AMPH: variants seen among roughly 807,000 people sequenced by gnomAD.
The protein encoded by AMPH is amphiphysin.
AMPH carries 49 observed loss-of-function variants against 99.1 expected under a neutral mutation model. That is an observed-to-expected ratio of 0.49 (90% CI 0.39 to 0.63). The LOEUF is 0.63. Ranked by LOEUF, AMPH falls within the 20% of genes least tolerant of loss-of-function variation. The pLI, the probability that AMPH is intolerant of heterozygous loss-of-function variation, is 0.00. For synonymous variants in AMPH, 314 were observed against 317.3 expected (o/e 0.99, Z 0.11); for missense variants, 759 against 863.4 (o/e 0.88, Z 1.52).
intron 16 of AMPH, 46 bp downstream of exon 16, chr7:38,422,375 G>A (rs1584068089): frequency 6.7e-7 from 1 of 1,501,998 alleles, no homozygotes; most frequent in Non-Finnish European, 9.3e-7. Context: ...AGAACATTCA[G>A]TGATAACTAA....
intron 1 of AMPH, among the ~76,000 whole-genome samples, chr7:38,616,712 G>T (rs190716404): frequency 3.9e-5 from 6 of 152,190 alleles, no homozygotes; most frequent in Non-Finnish European, 8.8e-5. Flanking sequence ...CTCAATACAT[G>T]ATGAGGAGCA....
intron 11 of AMPH, among the ~76,000 whole-genome samples, chr7:38,442,840 A>G (rs1786606514): frequency 6.6e-6 from 1 of 152,112 alleles, no homozygotes; most frequent in Non-Finnish European, 1.5e-5. Flanking sequence ...ACTGGAAATT[A>G]TACAGATTAG....
chr7:38,483,345 A>G (rs1363793876), intron 5 of AMPH, among the ~76,000 whole-genome samples: 1 of 152,112 alleles, frequency 6.6e-6, no homozygotes, highest in East Asian at 1.9e-4. Flanking sequence ...ACACACTTCT[A>G]AGTAGTATGG....
chr7:38,397,511 T>TA (rs971767336), intron 17 of AMPH, among the ~76,000 whole-genome samples: 4 of 152,150 alleles, frequency 2.6e-5, no homozygotes, highest in African/African-American at 4.8e-5. Context: ...AAAAATTAAA[T>TA]AAAAATGGAT....
At chr7:38,474,272 G>A (rs548600766) in intron 7 of AMPH, among the ~76,000 whole-genome samples, 41 of 150,992 alleles carry the variant, frequency 2.7e-4, no homozygotes, top group South Asian at 6.2e-4. Flanking sequence ...AAAATAAAAT[G>A]AAATAAATAA....
intron 17 of AMPH, among the ~76,000 whole-genome samples, chr7:38,406,716 C>A (rs1784996566): frequency 8.6e-6 from 1 of 116,242 alleles, no homozygotes. Flanking sequence ...CTCCTCTCCT[C>A]TCTCTCTCCC....
chr7:38,619,593 A>G (rs1271595661), intron 1 of AMPH, among the ~76,000 whole-genome samples: 1 of 152,370 alleles, frequency 6.6e-6, no homozygotes, highest in Non-Finnish European at 1.5e-5. Flanking sequence ...TCAAGCGTAC[A>G]TGGAAGATTC....
intron 1 of AMPH, among the ~76,000 whole-genome samples, chr7:38,613,191 C>G (rs537142446): frequency 1.1e-4 from 16 of 152,334 alleles, no homozygotes; most frequent in African/African-American, 3.4e-4. Context: ...TCCCATCATT[C>G]TGAACTGCTT....
chr7:38,447,971 A>G, intron 11 of AMPH, among the ~76,000 whole-genome samples: 1 of 152,202 alleles, frequency 6.6e-6, no homozygotes, highest in East Asian at 1.9e-4. Context: ...GAGGCAAAAG[A>G]GGTAGAGTAG....
chr7:38,422,553 C>CATATCTAT (rs1562742723), intron 15 of AMPH, 76 bp from the exon 16 acceptor site: 3 of 912,280 alleles, frequency 3.3e-6, no homozygotes, highest in African/African-American at 3.5e-5. Context: ...TGTCTGCCTA[C>CATATCTAT]GTATCTATCT....
chr7:38,424,239 G>C (rs1042058951), intron 15 of AMPH, among the ~76,000 whole-genome samples: 2 of 152,182 alleles, frequency 1.3e-5, no homozygotes, highest in Non-Finnish European at 2.9e-5. Flanking sequence ...GTTCCAGTCA[G>C]CTTTTCAGCA....
chr7:38,625,949 C>T (rs991040885), intron 1 of AMPH, among the ~76,000 whole-genome samples: 23 of 151,778 alleles, frequency 1.5e-4, no homozygotes, highest in African/African-American at 5.1e-4. Context: ...TAATCTTTTG[C>T]AATAACAATT....
At chr7:38,496,744 G>A (rs564941838) in intron 3 of AMPH, among the ~76,000 whole-genome samples, 1 of 152,170 alleles carries the variant, frequency 6.6e-6, no homozygotes, top group South Asian at 2.1e-4. Context: ...CATAACAAGC[G>A]TTAGTCACTA....
At chr7:38,491,275 T>C in intron 4 of AMPH, 130 bp from the exon 5 acceptor site, 1 of 629,664 alleles carries the variant, frequency 1.6e-6, no homozygotes, top group Non-Finnish European at 2.7e-6. Flanking sequence ...AGGGGAAAAA[T>C]GAGAATCATT....
intron 17 of AMPH, among the ~76,000 whole-genome samples, chr7:38,407,197 C>T (rs181387698): frequency 1.4e-5 from 2 of 147,148 alleles, no homozygotes; most frequent in East Asian, 2.0e-4. Flanking sequence ...ATTACTCTCT[C>T]TCCCTCTCTC....
At chr7:38,630,364 G>A (rs772841367) in intron 1 of AMPH, among the ~76,000 whole-genome samples, 5 of 152,170 alleles carry the variant, frequency 3.3e-5, no homozygotes, top group Non-Finnish European at 5.9e-5. Flanking sequence ...CAAGCCTGGT[G>A]CCTGGTACAA....
chr7:38,425,992 A>G (rs1562745156), intron 15 of AMPH, among the ~76,000 whole-genome samples: 1 of 152,220 alleles, frequency 6.6e-6, no homozygotes, highest in Non-Finnish European at 1.5e-5. Flanking sequence ...TGAAGATGGA[A>G]GAGATGCATT....
chr7:38,621,307 T>C (rs1298756427), intron 1 of AMPH, among the ~76,000 whole-genome samples: 3 of 152,206 alleles, frequency 2.0e-5, no homozygotes, highest in Admixed American at 2.0e-4. Context: ...ATGTACTTAG[T>C]AGTGTGTGCA....
intron 1 of AMPH, among the ~76,000 whole-genome samples, chr7:38,573,475 C>T (rs1792123413): frequency 6.6e-6 from 1 of 152,154 alleles, no homozygotes; most frequent in Non-Finnish European, 1.5e-5. Context: ...AAGGTGTGAG[C>T]TTTGGTGTCA....
Sources: allele counts gnomAD v4.1 joint callset (sites outside exome capture counted in the v4.1 genomes callset), GRCh38; gene constraint gnomAD v4.1.1; transcripts MANE v1.5; gene names NCBI Gene and HGNC (gene_info 2026-07-23, HGNC 2026-07-21).